Variants in ALK observed in about 807,000 individuals in gnomAD.
The protein encoded by ALK is ALK receptor tyrosine kinase.
ALK carries 74 observed loss-of-function variants against 163.1 expected under a neutral mutation model. The ratio of observed to expected loss-of-function variants is 0.45; its 90% confidence interval spans 0.38 to 0.55. The LOEUF (loss-of-function observed/expected upper bound fraction) is 0.55. Among genes scored for constraint, ALK ranks in the 20% least tolerant of loss-of-function variants. ALK has a pLI of 0.00. For missense variants in ALK, 2,063 were observed against 2,105.3 expected (o/e 0.98, Z 0.39); for synonymous variants, 960 against 843.2 (o/e 1.14, Z -2.40).
chr2:29,733,524 T>G (rs1178881219), intron 1 of ALK, among the ~76,000 whole-genome samples: 1 of 152,220 alleles, frequency 6.6e-6, no homozygotes, highest in Non-Finnish European at 1.5e-5. Context: ...CACTTCACTT[T>G]CCTGTTCTGT....
chr2:29,312,296 G>A (rs905614650), intron 8 of ALK, among the ~76,000 whole-genome samples: 16 of 152,020 alleles, frequency 1.1e-4, no homozygotes, highest in African/African-American at 3.9e-4. Context: ...GGCTGGGCAT[G>A]TTTCATATCT....
At chr2:29,766,308 T>A (rs1481556467) in intron 1 of ALK, among the ~76,000 whole-genome samples, 1 of 152,186 alleles carries the variant, frequency 6.6e-6, no homozygotes. Context: ...CACGGGGTTG[T>A]TCAGAACCCT....
intron 2 of ALK, among the ~76,000 whole-genome samples, chr2:29,702,664 G>A (rs1466418110): frequency 1.3e-5 from 2 of 152,202 alleles, no homozygotes; most frequent in African/African-American, 4.8e-5. Flanking sequence ...AGGCTTAATG[G>A]ACTTAAAGTT....
intron 1 of ALK, among the ~76,000 whole-genome samples, chr2:29,733,550 G>A (rs963057369): frequency 4.6e-5 from 7 of 152,230 alleles, no homozygotes; most frequent in Non-Finnish European, 1.0e-4. Flanking sequence ...GGGAATAATA[G>A]AAGCAATCTT....
At chr2:29,327,198 C>T (rs997617858) in intron 6 of ALK, among the ~76,000 whole-genome samples, 2 of 152,188 alleles carry the variant, frequency 1.3e-5, no homozygotes, top group African/African-American at 2.4e-5. Flanking sequence ...TACTCCGCCC[C>T]GACTGCCAGT....
At chr2:29,273,029 G>A (rs113405743) in intron 11 of ALK, among the ~76,000 whole-genome samples, 73 of 152,326 alleles carry the variant, frequency 4.8e-4, no homozygotes, top group Non-Finnish European at 8.4e-4. Context: ...ATGGGACCAC[G>A]CTCTATGATC....
At chr2:29,780,760 G>C (rs1159323206) in intron 1 of ALK, among the ~76,000 whole-genome samples, 2 of 152,198 alleles carry the variant, frequency 1.3e-5, no homozygotes, top group African/African-American at 4.8e-5. Context: ...GATGATACTG[G>C]CGAGAGTGTC....
At chr2:29,379,860 T>A (rs1450188475) in intron 5 of ALK, among the ~76,000 whole-genome samples, 3 of 152,152 alleles carry the variant, frequency 2.0e-5, no homozygotes, top group Admixed American at 2.0e-4. Flanking sequence ...CAGAAGGGTA[T>A]ATCCAAGAGA....
chr2:29,853,457 A>G (rs1442047515), intron 1 of ALK, among the ~76,000 whole-genome samples: 1 of 151,858 alleles, frequency 6.6e-6, no homozygotes, highest in East Asian at 1.9e-4. Flanking sequence ...TGTTCATGCC[A>G]CCTCCAGACA....
chr2:29,345,203 G>A (rs2148274408), intron 5 of ALK, among the ~76,000 whole-genome samples: 1 of 152,088 alleles, frequency 6.6e-6, no homozygotes, highest in South Asian at 2.1e-4. Context: ...AGACCAGCCT[G>A]GGCAACATAG....
At chr2:29,680,061 C>T (rs59484245) in intron 3 of ALK, among the ~76,000 whole-genome samples, 52 of 152,092 alleles carry the variant, frequency 3.4e-4, no homozygotes, top group African/African-American at 1.2e-3. Flanking sequence ...AGCCATTAAT[C>T]ATTTCAATAT....
At chr2:29,242,332 G>T (rs1239895210) in intron 12 of ALK, among the ~76,000 whole-genome samples, 2 of 152,202 alleles carry the variant, frequency 1.3e-5, no homozygotes. Flanking sequence ...TCCTGCTGTG[G>T]TTGAGAGGTA....
chr2:29,699,082 A>T (rs895583619), intron 2 of ALK, among the ~76,000 whole-genome samples: 5 of 151,838 alleles, frequency 3.3e-5, no homozygotes, highest in Non-Finnish European at 7.4e-5. Flanking sequence ...TCTCTCCTTC[A>T]CCCTCTTCCA....
chr2:29,655,567 G>A (rs61608891), intron 3 of ALK, among the ~76,000 whole-genome samples: 4 of 152,114 alleles, frequency 2.6e-5, no homozygotes, highest in African/African-American at 7.2e-5. Context: ...GGGAGGCCTG[G>A]AAAAGCTCAC....
intron 2 of ALK, among the ~76,000 whole-genome samples, chr2:29,716,572 C>G (rs1031026957): frequency 3.3e-5 from 5 of 152,100 alleles, no homozygotes; most frequent in Admixed American, 2.6e-4. Flanking sequence ...TAGGACAGGA[C>G]CTACCCGGGT....
intron 11 of ALK, among the ~76,000 whole-genome samples, chr2:29,260,849 C>CA (rs11300686): frequency 0.014 from 2,096 of 149,544 alleles, 55 homozygotes; most frequent in East Asian, 0.13. Context: ...CAAAACAAAA[C>CA]AAAAAAAAAA....
At chr2:29,425,255 C>A (rs148744832) in intron 4 of ALK, among the ~76,000 whole-genome samples, 18 of 152,250 alleles carry the variant, frequency 1.2e-4, no homozygotes, top group African/African-American at 3.9e-4. Context: ...TTTCCCCTCC[C>A]GGCTCAATAT....
intron 5 of ALK, among the ~76,000 whole-genome samples, chr2:29,348,410 G>T (rs1668016893): frequency 6.6e-6 from 1 of 152,214 alleles, no homozygotes; most frequent in African/African-American, 2.4e-5. Flanking sequence ...GCACCCAGGG[G>T]CTCAGCTCAT....
intron 3 of ALK, among the ~76,000 whole-genome samples, chr2:29,678,135 G>T (rs1289168912): frequency 6.6e-6 from 1 of 151,856 alleles, no homozygotes; most frequent in African/African-American, 2.4e-5. Context: ...ATTCTTTAGG[G>T]TCAAGAGTGA....
Sources: allele counts gnomAD v4.1 joint callset (sites outside exome capture counted in the v4.1 genomes callset), GRCh38; gene constraint gnomAD v4.1.1; transcripts MANE v1.5; gene names NCBI Gene and HGNC (gene_info 2026-07-23, HGNC 2026-07-21).